The following FREM1 variants were observed in gnomAD, a reference collection of about 807,000 sequenced individuals.
FREM1 encodes FRAS1-related extracellular matrix protein 1.
Under a neutral mutation model 210.1 loss-of-function variants are expected in FREM1, and 220 were observed. The ratio of observed to expected loss-of-function variants is 1.05; its 90% CI spans 0.94 to 1.17. The LOEUF (loss-of-function observed/expected upper bound fraction) is 1.17, where lower values mean the gene tolerates loss of function less well. Among genes scored for constraint, FREM1 ranks in the 50% most tolerant of loss-of-function variants. The pLI, the probability that FREM1 is intolerant of heterozygous loss-of-function variation, is 0.00. For synonymous variants in FREM1, 1,189 were observed against 980.2 expected, an observed-to-expected ratio of 1.21 and a Z score of -3.98; for missense variants, 3,454 against 2,675.5, an observed-to-expected ratio of 1.29 and a Z score of -6.42.
At chr9:14,759,554 CA>C (rs1426261628) in intron 28 of FREM1, among the ~76,000 whole-genome samples, 1 of 25,668 alleles carries the variant, frequency 3.9e-5, no homozygotes, top group Non-Finnish European at 1.0e-4. Context: ...CTAGCTTCAG[CA>C]ACACGTACAC....
At chr9:14,777,685 T>G (rs1387044073) in intron 24 of FREM1, among the ~76,000 whole-genome samples, 1 of 152,200 alleles carries the variant, frequency 6.6e-6, no homozygotes. Context: ...GCATTTATAT[T>G]TATTTTACAA....
intron 1 of FREM1, among the ~76,000 whole-genome samples, chr9:14,909,537 T>A (rs1818377131): frequency 6.6e-6 from 1 of 152,266 alleles, no homozygotes. Flanking sequence ...GAGGATATTA[T>A]CTGTTCTGTT....
chr9:14,762,291 A>G (rs1845633585), intron 27 of FREM1, among the ~76,000 whole-genome samples: 1 of 152,222 alleles, frequency 6.6e-6, no homozygotes, highest in Non-Finnish European at 1.5e-5. Context: ...ATACATTTGC[A>G]TGGATTTCAG....
chr9:14,808,840 C>T (rs528539835), intron 16 of FREM1, among the ~76,000 whole-genome samples: 41 of 152,294 alleles, frequency 2.7e-4, no homozygotes, highest in Non-Finnish European at 3.8e-4. Flanking sequence ...AGTTTATCAG[C>T]AACAGGGCAA....
intron 1 of FREM1, among the ~76,000 whole-genome samples, chr9:14,905,220 T>C (rs149015678): frequency 6.6e-6 from 1 of 152,202 alleles, no homozygotes; most frequent in Non-Finnish European, 1.5e-5. Flanking sequence ...TCAATAAATA[T>C]CAGTTGAGTG....
At chr9:14,852,236 A>C (rs1424746219) in intron 5 of FREM1, among the ~76,000 whole-genome samples, 1 of 152,194 alleles carries the variant, frequency 6.6e-6, no homozygotes, top group African/African-American at 2.4e-5. Flanking sequence ...AAGACCCTGG[A>C]TCTTCAAGCA....
chr9:14,806,625 A>G (rs777043491), intron 18 of FREM1, 36 bp downstream of exon 18: 4 of 1,193,992 alleles, frequency 3.4e-6, no homozygotes, highest in Non-Finnish European at 4.9e-6. Context: ...AAATATAAGG[A>G]AGGGAGTCAT....
rs546165899 is a variant in FREM1, at chr9:14,837,828, A to C, written c.1881+3619T>G. 2.3e-4 allele frequency among the ~76,000 whole-genome samples: 35 copies of C among 152,356 alleles called. No individual in the cohort carries two copies. In the South Asian group the frequency reaches 5.4e-3, roughly 23 times the overall value. On this transcript the variant is annotated intron_variant, in intron 10 of 36. Coordinates refer to ENST00000380880, the MANE Select transcript of FREM1 (RefSeq NM_001379081.2). ...TTTTTAATTATTGAAATGCTTCATA[A>C]TGGATAAACATGCTGTAAACTTTGG...
rs1184081715 is a variant in FREM1, at chr9:14,836,985, G to A, written c.1881+4462C>T. On this transcript the variant is annotated intron_variant, in intron 10 of 36. Coordinates refer to ENST00000380880, the MANE Select transcript of FREM1 (RefSeq NM_001379081.2). The surrounding 1 kb of genome is among the most constrained non-coding windows in gnomAD (Gnocchi z 4.9). ...TAAAGCATATCCGGAAAAGTTTCTT[G>A]TAAAGCCCCAGCTCTTAGTCAGGTG... 2.0e-5 allele frequency among the ~76,000 whole-genome samples: 3 copies of A among 152,190 alleles called. No homozygotes were observed. Among genetic ancestry groups the A allele is most frequent in the Admixed American group, 1.3e-4 (2 of 15,286 alleles).
chr9:14,849,878 G>C (rs1014732414), intron 6 of FREM1, among the ~76,000 whole-genome samples: 1 of 152,208 alleles, frequency 6.6e-6, no homozygotes, highest in African/African-American at 2.4e-5. Context: ...AGTGCTCTAA[G>C]ATTGGATGTG....
In FREM1 at chr9:14,900,144, G is replaced by C. The variant is rs115341318; in HGVS notation, c.-268+9770C>G. Among the ~76,000 whole-genome samples, 1,169 of 152,222 alleles carry C rather than the reference G, an allele frequency of 7.7e-3. 19 individuals carry two copies. The highest frequency in any genetic ancestry group is 0.027 in the African/African-American group (1,103 of 41,524). The stretch of plus-strand genomic sequence containing the variant: ...ATTACTGGGTCTGCGCTATTAATGA[G>C]AACGGGAAACACACCAAGATGAGTT... On this transcript the variant is annotated intron_variant, in intron 1 of 36. Transcript: ENST00000380880.
rs376644135 is a variant in FREM1 at position 14,769,716 on chromosome 9, G to C, written c.5204+8C>G. On this transcript the variant is annotated splice_region_variant and intron_variant, in intron 27 of 36. Transcript: ENST00000380880. ...ATATAGGACTACTGAATAAGCAAGA[G>C]AATTTACATTTGAGGAGTGGCCGAG... 5.5e-5 allele frequency: 88 copies of C among 1,611,592 alleles called. No homozygotes were observed. In the Middle Eastern group the frequency reaches 9.9e-4, roughly 18 times the overall value.
At chr9:14,876,624 C>T (rs111537308) in intron 1 of FREM1, among the ~76,000 whole-genome samples, 11 of 152,270 alleles carry the variant, frequency 7.2e-5, no homozygotes, top group South Asian at 2.1e-4. Context: ...TGATCCCTTG[C>T]GCTTCCCAAG....
intron 27 of FREM1, among the ~76,000 whole-genome samples, chr9:14,769,411 C>T (rs1847109628): frequency 6.6e-6 from 1 of 152,152 alleles, no homozygotes; most frequent in Non-Finnish European, 1.5e-5. Flanking sequence ...AACCTGCAAA[C>T]TCAGTGTTGG....
In FREM1 at chr9:14,873,323, A is replaced by G. The variant is rs564159630; in HGVS notation, c.-267-4079T>C. The stretch of plus-strand genomic sequence containing the variant: ...CTGGACTCTTTTTGGTTGGTAAGCT[A>G]TTGATTATTGCCACAATTTCAGAGC... On this transcript the variant is annotated intron_variant, in intron 1 of 36. Coordinates refer to ENST00000380880, the MANE Select transcript of FREM1 (RefSeq NM_001379081.2). Among the ~76,000 whole-genome samples the G allele has an allele frequency of 2.0e-5, 3 of 152,254 alleles. No individual in the cohort carries two copies. The East Asian group carries it at 5.8e-4, about 29-fold the overall frequency.
At chr9:14,872,495 T>C (rs1381167576) in intron 1 of FREM1, among the ~76,000 whole-genome samples, 6 of 152,226 alleles carry the variant, frequency 3.9e-5, no homozygotes, top group Non-Finnish European at 8.8e-5. Flanking sequence ...ATAAGAATGC[T>C]TGTGATTTTT....
chr9:14,797,045 A>C (rs1563950044), intron 21 of FREM1, among the ~76,000 whole-genome samples: 1 of 152,202 alleles, frequency 6.6e-6, no homozygotes, highest in Non-Finnish European at 1.5e-5. Context: ...ATAATGAAAG[A>C]AGTGGGTTGA....
chr9:14,878,914 G>C (rs538199699), intron 1 of FREM1, among the ~76,000 whole-genome samples: 1 of 152,188 alleles, frequency 6.6e-6, no homozygotes, highest in African/African-American at 2.4e-5. Flanking sequence ...CCAGTACTTG[G>C]GGAGGCCGAG....
rs552088159 is a variant in FREM1, at chr9:14,750,037, T to G, written c.5557+90A>C. On this transcript the variant is annotated intron_variant, in intron 30 of 36. Transcript: ENST00000380880. ...TGACAAGAAATTAAGCATTTTGATT[T>G]GAAGGTGTTATCAAGCACGTTGGCT... 69 of 1,295,032 alleles carry G rather than the reference T, an allele frequency of 5.3e-5. 1 individual carries two copies. In the African/African-American group the frequency reaches 9.3e-4, roughly 17 times the overall value. The allele number at this position is 1,295,032 out of a possible 1,614,324, so 80.2% of individuals were successfully genotyped here. A position where few individuals can be genotyped will look rare whatever the true frequency, so the allele number is the denominator to read the frequency against.
Sources: allele counts gnomAD v4.1 joint callset (sites outside exome capture counted in the v4.1 genomes callset), GRCh38; gene constraint gnomAD v4.1.1; non-coding constraint Gnocchi (gnomAD v3.1); transcripts MANE v1.5; gene names NCBI Gene and HGNC (gene_info 2026-07-23, HGNC 2026-07-21).